Variants in SLC25A21 observed in about 807,000 individuals in gnomAD.
SLC25A21 encodes mitochondrial 2-oxodicarboxylate carrier.
In SLC25A21, 47 loss-of-function variants were observed where a neutral mutation model predicts 43.8. The ratio of observed to expected loss-of-function variants is 1.07; its 90% CI spans 0.85 to 1.37. SLC25A21 has a LOEUF of 1.37. Among genes scored for constraint, SLC25A21 ranks in the 40% most tolerant of loss-of-function variants. The pLI is 0.00. For synonymous variants in SLC25A21, 131 were observed against 121.3 expected (o/e 1.08, Z -0.52); for missense variants, 352 against 350.2 (o/e 1.00, Z -0.04).
chr14:37,103,983 G>A (rs1477334769), intron 1 of SLC25A21, among the ~76,000 whole-genome samples: 1 of 152,190 alleles, frequency 6.6e-6, no homozygotes, highest in Non-Finnish European at 1.5e-5. Context: ...GCAGAAAGAA[G>A]GACCATTTCT....
chr14:37,165,839 G>A (rs1294717963), intron 1 of SLC25A21, among the ~76,000 whole-genome samples: 2 of 152,122 alleles, frequency 1.3e-5, no homozygotes, highest in African/African-American at 2.4e-5. Context: ...ACACAGGGAA[G>A]GGTCCAAACT....
At chr14:36,723,950 G>T (rs1884478309) in intron 6 of SLC25A21, among the ~76,000 whole-genome samples, 2 of 152,162 alleles carry the variant, frequency 1.3e-5, no homozygotes, top group African/African-American at 4.8e-5. Context: ...ACACCGGACA[G>T]GGATCTCTGC....
intron 1 of SLC25A21, among the ~76,000 whole-genome samples, chr14:37,096,767 T>C (rs759887941): frequency 2.6e-5 from 4 of 152,186 alleles, no homozygotes; most frequent in African/African-American, 4.8e-5. Flanking sequence ...TGAATTCATT[T>C]TCTGTGTTAT....
intron 7 of SLC25A21, among the ~76,000 whole-genome samples, chr14:36,701,273 T>A (rs1175891226): frequency 6.6e-6 from 1 of 152,228 alleles, no homozygotes; most frequent in Non-Finnish European, 1.5e-5. Flanking sequence ...ACAGTGTTTG[T>A]TTTCTCTTCA....
At chr14:36,710,073 T>C (rs1189832403) in intron 7 of SLC25A21, among the ~76,000 whole-genome samples, 1 of 152,118 alleles carries the variant, frequency 6.6e-6, no homozygotes, top group Non-Finnish European at 1.5e-5. Flanking sequence ...AACGTTATTA[T>C]TATGATTATT....
At chr14:36,698,817 A>G (rs574539427) in intron 7 of SLC25A21, among the ~76,000 whole-genome samples, 6 of 152,276 alleles carry the variant, frequency 3.9e-5, no homozygotes, top group African/African-American at 1.4e-4. Flanking sequence ...CCATTCGTCT[A>G]ATCTTTTTTC....
At chr14:36,786,263 G>C (rs565232634) in intron 3 of SLC25A21, among the ~76,000 whole-genome samples, 187 of 152,288 alleles carry the variant, frequency 1.2e-3, no homozygotes, top group African/African-American at 4.5e-3. Context: ...CTCATTAAAG[G>C]TTATTCCTGT....
intron 3 of SLC25A21, among the ~76,000 whole-genome samples, chr14:36,779,671 C>G (rs529938402): frequency 5.7e-4 from 84 of 146,594 alleles, no homozygotes; most frequent in African/African-American, 2.0e-3. Context: ...CAAACACACA[C>G]ACATACCACA....
chr14:36,686,327 G>T (rs992509748), intron 7 of SLC25A21, among the ~76,000 whole-genome samples: 1 of 152,174 alleles, frequency 6.6e-6, no homozygotes, highest in African/African-American at 2.4e-5. Context: ...TGAGTGAGGT[G>T]TGTTTAAATA....
chr14:36,930,214 T>C (rs576488319), intron 1 of SLC25A21, among the ~76,000 whole-genome samples: 1 of 152,262 alleles, frequency 6.6e-6, no homozygotes, highest in African/African-American at 2.4e-5. Flanking sequence ...TATTAATAAA[T>C]TGTTGTCATA....
At chr14:37,028,195 C>T (rs17105999) in intron 1 of SLC25A21, among the ~76,000 whole-genome samples, 8,676 of 151,976 alleles carry the variant, frequency 0.057, 820 homozygotes, top group African/African-American at 0.2. Context: ...GAAGCCTATA[C>T]TTACAGTGTA....
chr14:36,978,308 T>C (rs1959929389), intron 1 of SLC25A21, among the ~76,000 whole-genome samples: 1 of 152,200 alleles, frequency 6.6e-6, no homozygotes, highest in Non-Finnish European at 1.5e-5. Flanking sequence ...ACAAATTTGT[T>C]GGTTTCCCAG....
intron 3 of SLC25A21, among the ~76,000 whole-genome samples, chr14:36,808,641 T>C (rs1888126802): frequency 1.3e-5 from 2 of 152,184 alleles, no homozygotes; most frequent in Admixed American, 6.6e-5. Context: ...ACCATGGTTA[T>C]ACCTGCGTGG....
intron 1 of SLC25A21, among the ~76,000 whole-genome samples, chr14:37,105,918 G>C (rs1402790143): frequency 6.6e-6 from 1 of 152,082 alleles, no homozygotes; most frequent in African/African-American, 2.4e-5. Context: ...GGAAGTCAGG[G>C]ACCCCGAACA....
chr14:36,879,907 T>A (rs1361923801), intron 1 of SLC25A21, among the ~76,000 whole-genome samples: 1 of 152,174 alleles, frequency 6.6e-6, no homozygotes, highest in African/African-American at 2.4e-5. Flanking sequence ...TTCCTAGAAC[T>A]TTTTCTTTAC....
intron 1 of SLC25A21, among the ~76,000 whole-genome samples, chr14:37,016,862 C>A (rs1239714838): frequency 1.3e-5 from 2 of 152,052 alleles, no homozygotes; most frequent in Non-Finnish European, 2.9e-5. Context: ...ACCTCCTGAA[C>A]CAATCTCTGC....
At chr14:37,025,372 T>A (rs182932478) in intron 1 of SLC25A21, among the ~76,000 whole-genome samples, 10 of 152,244 alleles carry the variant, frequency 6.6e-5, no homozygotes, top group Non-Finnish European at 1.5e-4. Flanking sequence ...TAACACACAA[T>A]GCAAAGACAT....
rs17106239 is a variant in SLC25A21, at chr14:37,077,151, T to C, written c.70+95130A>G. On this transcript the variant is annotated intron_variant, in intron 1 of 9. Transcript: ENST00000331299. ...ATTTGCCAGAAGATATAGTCAATAC[T>C]TGCACCACGCTGAGATATCATTTAG... Among the ~76,000 whole-genome samples, 1,446 of 152,286 alleles carry C rather than the reference T, an allele frequency of 9.5e-3. 20 individuals are homozygous for C. Among genetic ancestry groups the C allele is most frequent in the African/African-American group, 0.033 (1,381 of 41,550 alleles).
intron 1 of SLC25A21, among the ~76,000 whole-genome samples, chr14:36,907,581 A>T (rs1333673857): frequency 1.4e-4 from 21 of 152,300 alleles, no homozygotes; most frequent in Admixed American, 1.4e-3. Flanking sequence ...GGTCTTTATA[A>T]GATTCCCTTG....
Sources: gnomAD v4.1 joint callset for allele counts (sites outside exome capture counted in the v4.1 genomes callset) on GRCh38, gnomAD v4.1.1 for gene constraint, MANE v1.5 for transcripts, NCBI Gene and HGNC (gene_info 2026-07-23, HGNC 2026-07-21) for gene names.